Variants in ZNF891 observed in about 807,000 individuals in gnomAD.
ZNF891 encodes zinc finger protein 891.
For missense variants in ZNF891, 589 were observed against 632.7 expected (o/e 0.93, Z 0.74); for synonymous variants, 199 against 209.0 (o/e 0.95, Z 0.41).
intron 1 of ZNF891, chr12:133,122,383 AAAAC>A (rs754928836): frequency 6.1e-5 from 14 of 230,498 alleles, no homozygotes; most frequent in South Asian, 3.1e-4. Context: ...TGGGGACAGA[AAAAC>A]AAACAATTTC....
rs1955546415 is a variant in ZNF891, at chr12:133,105,221, G to A, written c.*15063C>T. Among the ~76,000 whole-genome samples, 1 of 152,148 alleles carries A rather than the reference G, an allele frequency of 6.6e-6. No individual in the cohort carries two copies. The highest frequency in any genetic ancestry group is 1.5e-5 in the Non-Finnish European group (1 of 68,044). The stretch of plus-strand genomic sequence containing the variant: ...GGCAGTAAATACCGTTTAAATGGTG[G>A]TGAAGAAGACTAGCAACCTATCCTT... On this transcript the variant is annotated 3_prime_UTR_variant, in exon 2 of 2. Transcript: ENST00000537226.
Position 133,121,424 on chromosome 12 carries a change from A to G in ZNF891, c.495T>C (p.His165=). The G allele has an allele frequency of 1.3e-6, 2 of 1,536,010 alleles. No homozygotes were observed. Among genetic ancestry groups the G allele is most frequent in the Non-Finnish European group, 1.7e-6 (2 of 1,146,874 alleles). The change falls in exon 2 of 2, where the codon CAT becomes CAC. Residue 165 remains histidine, a synonymous_variant. Transcript: ENST00000537226. ...DWECHKIRKQ[H]KIPGGHWRQM... ...GCCTCCAATGTCCCCCTGGAATCTT[A>G]TGCTGTTTTCTGATCTTATGGCATT...
rs1955668300 is a variant in ZNF891 at position 133,109,815 on chromosome 12, G to A, written c.*10469C>T. On this transcript the variant is annotated 3_prime_UTR_variant, in exon 2 of 2. Transcript: ENST00000537226. ...ACAAGTCAGGTGTTGGGAAATTATG[G>A]TCTATGGACCAAATCAAGGCCTTTG... 1 of 152,188 alleles carries A rather than the reference G, an allele frequency of 6.6e-6. No individual in the cohort carries two copies. The highest frequency in any genetic ancestry group is 1.5e-5 in the Non-Finnish European group (1 of 68,038). 9.4% of individuals were successfully genotyped at this position (152,188 alleles called of 1,614,324 possible).
rs1249118774 is a variant in ZNF891 at position 133,118,115 on chromosome 12, T to A, written c.*2169A>T. On this transcript the variant is annotated 3_prime_UTR_variant, in exon 2 of 2. Coordinates refer to ENST00000537226, the MANE Select transcript of ZNF891 (RefSeq NM_001277291.2). ...CATGTGCCACCACACCCGGCTAATTTTTGTATTTTAGTAGAACCAGGGTTT... is the reference window on the plus strand; with the variant it reads ...CATGTGCCACCACACCCGGCTAATTATTGTATTTTAGTAGAACCAGGGTTT... 6.6e-6 allele frequency: 1 copy of A among 152,056 alleles called. No homozygotes were observed. Among genetic ancestry groups the A allele is most frequent in the Non-Finnish European group, 1.5e-5 (1 of 68,066 alleles). The allele number at this position is 152,056 out of a possible 1,614,324, so 9.4% of individuals were successfully genotyped here. A position where few individuals can be genotyped will look rare whatever the true frequency, so the allele number is the denominator to read the frequency against.
chr12:133,122,548 A>G (rs539763459), intron 1 of ZNF891, among the ~76,000 whole-genome samples: 4 of 152,322 alleles, frequency 2.6e-5, no homozygotes, highest in South Asian at 2.1e-4. Context: ...GTTCACTTCA[A>G]TGAGAACATA....
rs951390108 is a variant in ZNF891 at position 133,107,702 on chromosome 12, C to A, written c.*12582G>T. On this transcript the variant is annotated 3_prime_UTR_variant, in exon 2 of 2. Coordinates refer to ENST00000537226, the MANE Select transcript of ZNF891 (RefSeq NM_001277291.2). The stretch of plus-strand genomic sequence containing the variant: ...ACCAAGGTATTCTTCCTGTTTTGTT[C>A]CATGTACGGTGAAAACCGTTCTTTT... The A allele has an allele frequency of 4.6e-5, 7 of 152,128 alleles. No individual in the cohort carries two copies. The highest frequency in any genetic ancestry group is 1.7e-4 in the African/African-American group (7 of 41,426). The allele number at this position is 152,128 out of a possible 1,614,324, so 9.4% of individuals were successfully genotyped here.
chr12:133,121,241 C>T lies in ZNF891; in HGVS notation c.678G>A (p.Leu226=). Residue 226 remains leucine (L), a synonymous_variant, in exon 2 of 2, where the codon TTG becomes TTA. Coordinates refer to ENST00000537226, the MANE Select transcript of ZNF891 (RefSeq NM_001277291.2). Reference sequence around the variant, plus strand: ...AATTGTTTATGATTGAATTGTGTTTCAAACATCCAATCTCTGAGTAACATT... The same window carrying T: ...AATTGTTTATGATTGAATTGTGTTTTAAACATCCAATCTCTGAGTAACATT... ...CQKCYSEIGC[L]KHNSIINNYV... is the part of the protein sequence containing the mutation. 1 of 1,535,546 alleles carries T rather than the reference C, an allele frequency of 6.5e-7. No individual in the cohort carries two copies. Among genetic ancestry groups the T allele is most frequent in the South Asian group, 1.2e-5 (1 of 84,044 alleles).
rs1955767989 is a variant in ZNF891, at chr12:133,122,027, G to A, written c.-106-3C>T. Reference sequence around the variant, plus strand: ...ATGCATTTCACCCGAAGTTCTCCCTGTAGCCAAAGAAGCAAGTTCAGGTAA... The same window carrying A: ...ATGCATTTCACCCGAAGTTCTCCCTATAGCCAAAGAAGCAAGTTCAGGTAA... On this transcript the variant is annotated splice_region_variant and splice_polypyrimidine_tract_variant and intron_variant, in intron 1 of 1. Transcript: ENST00000537226. The A allele has an allele frequency of 2.1e-6, 3 of 1,404,032 alleles. No homozygotes were observed. Among genetic ancestry groups the A allele is most frequent in the African/African-American group, 1.4e-5 (1 of 69,396 alleles). The allele number at this position is 1,404,032 out of a possible 1,614,324, so 87.0% of individuals were successfully genotyped here.
intron 1 of ZNF891, among the ~76,000 whole-genome samples, chr12:133,124,351 G>GGA (rs1173649618): frequency 6.6e-6 from 1 of 151,998 alleles, no homozygotes; most frequent in African/African-American, 2.4e-5. Flanking sequence ...GTGTTGAACA[G>GGA]GAATTCCAGA....
chr12:133,106,364 G>A lies in ZNF891; in HGVS notation c.*13920C>T. On this transcript the variant is annotated 3_prime_UTR_variant, in exon 2 of 2. Transcript: ENST00000537226. ...AAAGCTCTATGAATGTGATGAATGT[G>A]GTAAAGTTTTCACTTGGCATGCATC... 1 of 1,614,048 alleles carries A rather than the reference G, an allele frequency of 6.2e-7. No homozygotes were observed. The highest frequency in any genetic ancestry group is 8.5e-7 in the Non-Finnish European group (1 of 1,180,004).
In ZNF891 at chr12:133,105,735, A is replaced by G. The variant is rs1441583354; in HGVS notation, c.*14549T>C. ...CAAGAAGCCCTGGCTCAACATATGA[A>G]TATCAGTACTGTGGAGAGGCCCTAT... On this transcript the variant is annotated 3_prime_UTR_variant, in exon 2 of 2. Transcript: ENST00000537226. 1.1e-4 allele frequency: 185 copies of G among 1,614,076 alleles called. No homozygotes were observed. Among genetic ancestry groups the G allele is most frequent in the Non-Finnish European group, 1.4e-4 (170 of 1,180,040 alleles).
At position 133,105,488 on chromosome 12, in the gene ZNF891, CTT is replaced by C; in HGVS notation, c.*14794_*14795del. The C allele has an allele frequency of 1.3e-6, 2 of 1,519,444 alleles. No individual in the cohort carries two copies. Among genetic ancestry groups the C allele is most frequent in the Admixed American group, 2.2e-5 (1 of 46,264 alleles). 94.1% of individuals were successfully genotyped at this position (1,519,444 alleles called of 1,614,324 possible). A position where few individuals can be genotyped will look rare whatever the true frequency, so the allele number is the denominator to read the frequency against. ...TCAATACAGGAAAAAGAAACATTCA[CTT>C]TTTTTTTGGTATCTTTCAGTTTCAG... On this transcript the variant is annotated 3_prime_UTR_variant, in exon 2 of 2. Coordinates refer to ENST00000537226, the MANE Select transcript of ZNF891 (RefSeq NM_001277291.2).
intron 1 of ZNF891, among the ~76,000 whole-genome samples, chr12:133,126,494 AG>A (rs1566339035): frequency 4.0e-5 from 6 of 149,810 alleles, no homozygotes; most frequent in Non-Finnish European, 7.4e-5. Flanking sequence ...AAAAAAAAAA[AG>A]ATAAACTTAA....
rs1010875451 is a variant in ZNF891 at position 133,116,625 on chromosome 12, C to G, written c.*3659G>C. The G allele has an allele frequency of 1.3e-5, 2 of 152,346 alleles. No homozygotes were observed. Among genetic ancestry groups the G allele is most frequent in the African/African-American group, 4.8e-5 (2 of 41,560 alleles). The allele number at this position is 152,346 out of a possible 1,614,324, so 9.4% of individuals were successfully genotyped here. ...CACTGGTCATAGCCCCTGATCTGGTCTTTTTTCCTCTATCAATAATGTCAT... is the reference window on the plus strand; with the variant it reads ...CACTGGTCATAGCCCCTGATCTGGTGTTTTTTCCTCTATCAATAATGTCAT... On this transcript the variant is annotated 3_prime_UTR_variant, in exon 2 of 2. Transcript: ENST00000537226.
At chr12:133,122,993 G>A (rs1955779435) in intron 1 of ZNF891, among the ~76,000 whole-genome samples, 1 of 152,140 alleles carries the variant, frequency 6.6e-6, no homozygotes, top group South Asian at 2.1e-4. Flanking sequence ...AAAGATACAT[G>A]CTTGGGGACT....
At position 133,118,298 on chromosome 12, in the gene ZNF891, T is replaced by C. The variant is rs527748820; in HGVS notation, c.*1986A>G. On this transcript the variant is annotated 3_prime_UTR_variant, in exon 2 of 2. Coordinates refer to ENST00000537226, the MANE Select transcript of ZNF891 (RefSeq NM_001277291.2). ...TGGTTCAGTGAAACTCCACTCTTCT[T>C]GTTTTCCTCTTATCTCTCTACTATA... 1.3e-5 allele frequency: 2 copies of C among 152,258 alleles called. No homozygotes were observed. Among genetic ancestry groups the C allele is most frequent in the African/African-American group, 2.4e-5 (1 of 41,454 alleles). The allele number at this position is 152,258 out of a possible 1,614,324, so 9.4% of individuals were successfully genotyped here. A position where few individuals can be genotyped will look rare whatever the true frequency, so the allele number is the denominator to read the frequency against.
Position 133,105,987 on chromosome 12 carries a change from G to A in ZNF891, c.*14297C>T. ...CTTTCATTTCTTATTGAACACCAGA[G>A]AACGCACACTGGGGAGAAACCTTAT... On this transcript the variant is annotated 3_prime_UTR_variant, in exon 2 of 2. Coordinates refer to ENST00000537226, the MANE Select transcript of ZNF891 (RefSeq NM_001277291.2). 5 of 1,614,086 alleles carry A rather than the reference G, an allele frequency of 3.1e-6. No individual in the cohort carries two copies. Among genetic ancestry groups the A allele is most frequent in the Non-Finnish European group, 4.2e-6 (5 of 1,180,036 alleles).
In ZNF891 at chr12:133,121,480, T is replaced by G. The variant is rs746445963; in HGVS notation, c.439A>C (p.Asn147His). The part of the protein sequence containing the change: ...AVKMIKLTMH[N>H]WSSTLREDWE... ...TCTTCTCTTAATGTGGAGGACCAAT[T>G]ATGCATTGTGAGTTTTATCATTTTC... The change falls in exon 2 of 2, where the codon AAT becomes CAT. Residue 147 changes from asparagine (N) to histidine (H), a missense_variant. By Grantham distance (68) the Asn-to-His change is moderately conservative (BLOSUM62 1). Coordinates refer to ENST00000537226, the MANE Select transcript of ZNF891 (RefSeq NM_001277291.2). The G allele has an allele frequency of 7.8e-6, 12 of 1,536,188 alleles. No homozygotes were observed. The South Asian group carries it at 1.2e-4, about 15-fold the overall frequency.
intron 1 of ZNF891, chr12:133,125,389 T>A (rs891249986): frequency 2.0e-5 from 3 of 153,356 alleles, no homozygotes; most frequent in African/African-American, 7.2e-5. Context: ...GGAGTACTTA[T>A]CATTCAGAGA....
Sources: allele counts gnomAD v4.1 joint callset (sites outside exome capture counted in the v4.1 genomes callset), GRCh38; gene constraint gnomAD v4.1.1; transcripts MANE v1.5; gene names NCBI Gene and HGNC (gene_info 2026-07-23, HGNC 2026-07-21).